Variants in DCP2 observed in about 807,000 individuals in gnomAD.
DCP2 encodes m7GpppN-mRNA hydrolase.
DCP2 carries 30 observed loss-of-function variants against 56.1 expected under a neutral mutation model. The observed-to-expected ratio is 0.53, with a 90% CI of 0.40 to 0.73. DCP2 has a LOEUF of 0.73. Among genes scored for constraint, DCP2 ranks in the 30% least tolerant of loss-of-function variants. The pLI is 0.00. For missense variants in DCP2, 533 were observed against 502.7 expected, an observed-to-expected ratio of 1.06 and a Z score of -0.58; for synonymous variants, 197 against 163.3, an observed-to-expected ratio of 1.21 and a Z score of -1.57.
rs1750088216 is a variant in DCP2 at position 113,020,861 on chromosome 5, A to G, written c.*7377A>G. The G allele has an allele frequency of 6.6e-6, 1 of 152,228 alleles. No individual in the cohort carries two copies. Among genetic ancestry groups the G allele is most frequent in the South Asian group, 2.1e-4 (1 of 4,830 alleles). The allele number at this position is 152,228 out of a possible 1,614,324, so 9.4% of individuals were successfully genotyped here. On this transcript the variant is annotated 3_prime_UTR_variant, in exon 11 of 11. Coordinates refer to ENST00000389063, the MANE Select transcript of DCP2 (RefSeq NM_152624.6). Reference sequence around the variant, plus strand: ...AATCTTACAAAATACAATTTGAACGATGGAAGGTTGTTCAGATACTGGCTT... The same window carrying G: ...AATCTTACAAAATACAATTTGAACGGTGGAAGGTTGTTCAGATACTGGCTT...
At chr5:112,989,921 G>C (rs942124415) in intron 2 of DCP2, among the ~76,000 whole-genome samples, 1 of 136,966 alleles carries the variant, frequency 7.3e-6, no homozygotes, top group Non-Finnish European at 1.5e-5. Context: ...TAGGAGGTAA[G>C]ATTGGTGATG....
intron 7 of DCP2, among the ~76,000 whole-genome samples, chr5:113,002,248 C>A (rs978959385): frequency 6.6e-6 from 1 of 151,922 alleles, no homozygotes; most frequent in African/African-American, 2.4e-5. Context: ...CATGGTGAAA[C>A]CCCATCTCTA....
intron 4 of DCP2, among the ~76,000 whole-genome samples, chr5:112,993,175 T>C (rs1748676126): frequency 6.6e-6 from 1 of 152,200 alleles, no homozygotes; most frequent in South Asian, 2.1e-4. Flanking sequence ...GAAAACCCAG[T>C]AAGGCTTTCC....
rs1290627901 is a variant in DCP2 at position 113,020,698 on chromosome 5, C to G, written c.*7214C>G. The G allele has an allele frequency of 6.6e-6, 1 of 152,094 alleles. No individual in the cohort carries two copies. Among genetic ancestry groups the G allele is most frequent in the Non-Finnish European group, 1.5e-5 (1 of 68,020 alleles). The allele number at this position is 152,094 out of a possible 1,614,324, so 9.4% of individuals were successfully genotyped here. Reference sequence around the variant, plus strand: ...AATGTTTGCAGGATTACTGTACTTCCAAAGACCCACTAGAATGTCAGCTGT... The same window carrying G: ...AATGTTTGCAGGATTACTGTACTTCGAAAGACCCACTAGAATGTCAGCTGT... On this transcript the variant is annotated 3_prime_UTR_variant, in exon 11 of 11. Transcript: ENST00000389063.
At chr5:112,998,019 C>T (rs1748946994) in intron 4 of DCP2, among the ~76,000 whole-genome samples, 2 of 152,174 alleles carry the variant, frequency 1.3e-5, no homozygotes, top group African/African-American at 4.8e-5. Context: ...TATTATAATA[C>T]AGCAATAGAT....
rs551164878 is a variant in DCP2 at position 113,002,283 on chromosome 5, C to T, written c.806+609C>T. The stretch of plus-strand genomic sequence containing the variant: ...ACTAGAAGTACAAAAATTAGCTGGG[C>T]GTGGTGGCAGGCACCTGTAATCCCA... On this transcript the variant is annotated intron_variant, in intron 7 of 10. Transcript: ENST00000389063. 5.3e-5 allele frequency among the ~76,000 whole-genome samples: 8 copies of T among 151,818 alleles called. No homozygotes were observed. In the East Asian group the frequency reaches 7.8e-4, roughly 15 times the overall value.
At chr5:113,006,167 A>G (rs541384630) in intron 8 of DCP2, among the ~76,000 whole-genome samples, 48 of 152,002 alleles carry the variant, frequency 3.2e-4, no homozygotes, top group African/African-American at 1.2e-3. Flanking sequence ...ATATGGGTAA[A>G]CCTCGAGGAC....
rs75009098 is a variant in DCP2, at chr5:112,985,603, A to G, written c.54-232A>G. Reference sequence around the variant, plus strand: ...AGCTGATCTCTGTACTTGTGAACAGAGGGTACACAGGCTCAGAACAAACTG... The same window carrying G: ...AGCTGATCTCTGTACTTGTGAACAGGGGGTACACAGGCTCAGAACAAACTG... On this transcript the variant is annotated intron_variant, in intron 1 of 10. Transcript: ENST00000389063. Among the ~76,000 whole-genome samples, 1,239 of 152,220 alleles carry G rather than the reference A, an allele frequency of 8.1e-3. 25 individuals are homozygous for G. The highest frequency in any genetic ancestry group is 0.029 in the African/African-American group (1,193 of 41,528).
Position 113,018,624 on chromosome 5 carries a change from G to C in DCP2, c.*5140G>C, listed in dbSNP as rs1038956838. ...CAATGGCCCTGAATATGTGTTTTCT[G>C]CTTTTTGGTGGAAGGTTTCCTGCAG... On this transcript the variant is annotated 3_prime_UTR_variant, in exon 11 of 11. Coordinates refer to ENST00000389063, the MANE Select transcript of DCP2 (RefSeq NM_152624.6). The C allele has an allele frequency of 1.3e-5, 2 of 152,206 alleles. No individual in the cohort carries two copies. The highest frequency in any genetic ancestry group is 4.8e-5 in the African/African-American group (2 of 41,420). The allele number at this position is 152,206 out of a possible 1,614,324, so 9.4% of individuals were successfully genotyped here.
At chr5:112,996,599 C>G (rs1033496234) in intron 4 of DCP2, among the ~76,000 whole-genome samples, 2 of 152,162 alleles carry the variant, frequency 1.3e-5, no homozygotes, top group East Asian at 1.9e-4. Flanking sequence ...CATCCTCAAA[C>G]AGGGAAGGGT....
At chr5:112,989,148 T>C (rs1748452402) in intron 2 of DCP2, among the ~76,000 whole-genome samples, 1 of 152,118 alleles carries the variant, frequency 6.6e-6, no homozygotes, top group South Asian at 2.1e-4. Context: ...TGCAGTGTGG[T>C]AGGATGTGAT....
chr5:112,993,680 CT>C (rs1170018813), intron 4 of DCP2, among the ~76,000 whole-genome samples: 28 of 150,142 alleles, frequency 1.9e-4, no homozygotes, highest in African/African-American at 6.8e-4. Context: ...TGTTATTTTC[CT>C]ACCTGGAATG....
chr5:112,983,739 G>A (rs752989205), intron 1 of DCP2, among the ~76,000 whole-genome samples: 1 of 152,102 alleles, frequency 6.6e-6, no homozygotes, highest in Non-Finnish European at 1.5e-5. Context: ...AATCTGAATG[G>A]CTTTTGTCCT....
chr5:112,999,127 C>T (rs918065146), intron 4 of DCP2, among the ~76,000 whole-genome samples: 32 of 152,148 alleles, frequency 2.1e-4, no homozygotes, highest in African/African-American at 7.7e-4. Context: ...CTGTTGGTAA[C>T]ACAAAGATAA....
rs1244752423 is a variant in DCP2, at chr5:113,015,866, G to C, written c.*2382G>C. On this transcript the variant is annotated 3_prime_UTR_variant, in exon 11 of 11. Transcript: ENST00000389063. ...TGGATTTCTCCTTTGAGAAATTTTA[G>C]TATGGTTTGAGGAAATCAAGTGATA... 3 of 152,642 alleles carry C rather than the reference G, an allele frequency of 2.0e-5. No individual in the cohort carries two copies. 9.5% of individuals were successfully genotyped at this position (152,642 alleles called of 1,614,324 possible).
In DCP2 at chr5:113,013,461, A is replaced by T; in HGVS notation, c.1240A>T (p.Ile414Leu). 6.2e-7 allele frequency: 1 copy of T among 1,614,148 alleles called. No individual in the cohort carries two copies. The highest frequency in any genetic ancestry group is 8.5e-7 in the Non-Finnish European group (1 of 1,179,988). The change falls in exon 11 of 11, where the codon ATA (isoleucine) becomes TTA (leucine). Residue 414 changes from isoleucine (I) to leucine (L), a missense_variant. Transcript: ENST00000389063. ...GAGTTTCAAGTTTGACCATAATGCT[A>T]TAATGAAAATCTTGGACCTTTGATA... ...FLSFKFDHNA[I>L]MKILDL is the part of the protein sequence containing the mutation.
At chr5:113,000,314 C>G (rs1333697555) in intron 4 of DCP2, among the ~76,000 whole-genome samples, 1 of 151,208 alleles carries the variant, frequency 6.6e-6, no homozygotes, top group East Asian at 2.0e-4. Flanking sequence ...GTGATCCTCC[C>G]TCTGTGGCCT....
At chr5:112,983,738 G>T (rs1426722457) in intron 1 of DCP2, among the ~76,000 whole-genome samples, 1 of 152,138 alleles carries the variant, frequency 6.6e-6, no homozygotes, top group Non-Finnish European at 1.5e-5. Context: ...GAATCTGAAT[G>T]GCTTTTGTCC....
At position 112,992,788 on chromosome 5, in the gene DCP2, G is replaced by T. The variant is rs749705459; in HGVS notation, c.432+18G>T. On this transcript the variant is annotated intron_variant, in intron 4 of 10. Transcript: ENST00000389063. Reference sequence around the variant, plus strand: ...CTAGAGAGGTAAGTTATTCCATTTTGATACACAGTAAATTTGGCTATTAGG... The same window carrying T: ...CTAGAGAGGTAAGTTATTCCATTTTTATACACAGTAAATTTGGCTATTAGG... The T allele has an allele frequency of 6.5e-7, 1 of 1,547,228 alleles. No individual in the cohort carries two copies. The highest frequency in any genetic ancestry group is 2.4e-5 in the Admixed American group (1 of 42,216).
Sources: gnomAD v4.1 joint callset for allele counts (sites outside exome capture counted in the v4.1 genomes callset) on GRCh38, gnomAD v4.1.1 for gene constraint, MANE v1.5 for transcripts, NCBI Gene and HGNC (gene_info 2026-07-23, HGNC 2026-07-21) for gene names.